The following HS6ST3 variants were observed in gnomAD, a reference collection of about 807,000 sequenced individuals.
HS6ST3 encodes the protein heparan sulfate 6-O-sulfotransferase 3, also known as heparan-sulfate 6-O-sulfotransferase 3.
Under a neutral mutation model 36.7 loss-of-function variants are expected in HS6ST3, and 12 were observed. That is an observed-to-expected ratio of 0.33 (90% confidence interval 0.21 to 0.53). The LOEUF (loss-of-function observed/expected upper bound fraction) is 0.53, where lower values mean the gene tolerates loss of function less well. Among genes scored for constraint, HS6ST3 ranks in the 20% least tolerant of loss-of-function variants. The pLI is 0.95. For synonymous variants in HS6ST3, 240 were observed against 257.5 expected (o/e 0.93, Z 0.65); for missense variants, 584 against 640.9 (o/e 0.91, Z 0.96).
intron 1 of HS6ST3, among the ~76,000 whole-genome samples, chr13:96,525,848 A>G (rs2056111644): frequency 1.3e-5 from 2 of 152,216 alleles, no homozygotes; most frequent in South Asian, 2.1e-4. Context: ...CTCTGGTGAC[A>G]AAGCAGTTAA....
intron 1 of HS6ST3, among the ~76,000 whole-genome samples, chr13:96,520,636 G>A (rs957476158): frequency 1.3e-5 from 2 of 151,820 alleles, no homozygotes; most frequent in African/African-American, 2.4e-5. Flanking sequence ...GTAGCAATTT[G>A]GCTCTCTGTT....
intron 1 of HS6ST3, among the ~76,000 whole-genome samples, chr13:96,294,272 C>G (rs1021776437): frequency 1.3e-5 from 2 of 152,044 alleles, no homozygotes; most frequent in African/African-American, 4.8e-5. Context: ...AATTTCAGAG[C>G]AATTTCTATA....
intron 1 of HS6ST3, among the ~76,000 whole-genome samples, chr13:96,650,942 T>G (rs776004499): frequency 6.6e-6 from 1 of 152,096 alleles, no homozygotes; most frequent in Non-Finnish European, 1.5e-5. Context: ...AAATAGCCTG[T>G]TCTTTCTGAC....
chr13:96,167,323 G>T (rs964749761), intron 1 of HS6ST3, among the ~76,000 whole-genome samples: 1 of 152,176 alleles, frequency 6.6e-6, no homozygotes, highest in Admixed American at 6.5e-5. Flanking sequence ...TTAAGAAAGA[G>T]ATATCTTTAA....
chr13:96,123,178 A>G (rs1402104812), intron 1 of HS6ST3, among the ~76,000 whole-genome samples: 1 of 152,226 alleles, frequency 6.6e-6, no homozygotes, highest in African/African-American at 2.4e-5. Flanking sequence ...GCTACTTGCT[A>G]TCTCTACTTA....
intron 1 of HS6ST3, among the ~76,000 whole-genome samples, chr13:96,570,069 ATATGC>A (rs1287102789): frequency 1.3e-5 from 2 of 152,214 alleles, no homozygotes; most frequent in African/African-American, 2.4e-5. Flanking sequence ...TTTTATAGGA[ATATGC>A]AATGTCAACA....
chr13:96,452,060 A>G (rs1237768445), intron 1 of HS6ST3, among the ~76,000 whole-genome samples: 2 of 152,222 alleles, frequency 1.3e-5, no homozygotes, highest in Non-Finnish European at 2.9e-5. Context: ...GAATCCAGCC[A>G]GGAATTTTTC....
intron 1 of HS6ST3, among the ~76,000 whole-genome samples, chr13:96,743,503 G>A (rs964987608): frequency 1.3e-4 from 20 of 152,036 alleles, no homozygotes; most frequent in Admixed American, 5.2e-4. Flanking sequence ...TCTCTTCTAG[G>A]AGCGCTGCAT....
chr13:96,839,041 T>C lies in HS6ST3; in HGVS notation c.*5843T>C, dbSNP rs914606372. ...CCTTTGGCACACTCAGTGGAACCTGTGTGAGCTACATGTTCTGCTGCATTA... is the reference window on the plus strand; with the variant it reads ...CCTTTGGCACACTCAGTGGAACCTGCGTGAGCTACATGTTCTGCTGCATTA... On this transcript the variant is annotated 3_prime_UTR_variant, in exon 2 of 2. Coordinates refer to ENST00000376705, the MANE Select transcript of HS6ST3 (RefSeq NM_153456.4). 5.3e-5 allele frequency: 8 copies of C among 152,206 alleles called. No homozygotes were observed. The highest frequency in any genetic ancestry group is 2.9e-5 in the Non-Finnish European group (2 of 68,034). 9.4% of individuals were successfully genotyped at this position (152,206 alleles called of 1,614,324 possible).
At chr13:96,448,813 A>G (rs1196859179) in intron 1 of HS6ST3, among the ~76,000 whole-genome samples, 1 of 152,138 alleles carries the variant, frequency 6.6e-6, no homozygotes, top group East Asian at 1.9e-4. Context: ...GCCTGTCTGC[A>G]TTAGACCACG....
At chr13:96,649,239 A>T (rs1358553960) in intron 1 of HS6ST3, among the ~76,000 whole-genome samples, 1 of 152,044 alleles carries the variant, frequency 6.6e-6, no homozygotes, top group Non-Finnish European at 1.5e-5. Flanking sequence ...AGGTCTCAGG[A>T]AACCTACAAT....
At chr13:96,441,959 C>T (rs1359567909) in intron 1 of HS6ST3, among the ~76,000 whole-genome samples, 1 of 150,414 alleles carries the variant, frequency 6.6e-6, no homozygotes, top group Non-Finnish European at 1.5e-5. Flanking sequence ...GAAAATTTTC[C>T]AGAGTTAAAA....
chr13:96,743,323 T>G (rs1469135037), intron 1 of HS6ST3, among the ~76,000 whole-genome samples: 1 of 152,052 alleles, frequency 6.6e-6, no homozygotes, highest in South Asian at 2.1e-4. Flanking sequence ...GGGTCCAAAT[T>G]TGTGCTAAAA....
At chr13:96,640,058 T>C (rs2056564920) in intron 1 of HS6ST3, among the ~76,000 whole-genome samples, 1 of 151,908 alleles carries the variant, frequency 6.6e-6, no homozygotes, top group Non-Finnish European at 1.5e-5. Context: ...GAATGATTTA[T>C]TTTGGTGGGT....
intron 1 of HS6ST3, among the ~76,000 whole-genome samples, chr13:96,690,878 T>G (rs61395720): frequency 6.6e-6 from 1 of 152,108 alleles, no homozygotes; most frequent in African/African-American, 2.4e-5. Flanking sequence ...TTTTAAATTT[T>G]TCCATCTCTA....
At chr13:96,474,164 C>A (rs1456532659) in intron 1 of HS6ST3, among the ~76,000 whole-genome samples, 2 of 152,152 alleles carry the variant, frequency 1.3e-5, no homozygotes, top group Non-Finnish European at 2.9e-5. Context: ...CCCCCTCCTT[C>A]AATTTTTTTC....
chr13:96,125,724 T>C (rs2053947283), intron 1 of HS6ST3, among the ~76,000 whole-genome samples: 2 of 152,002 alleles, frequency 1.3e-5, no homozygotes, highest in Admixed American at 6.6e-5. Flanking sequence ...TTATTAAAAG[T>C]TATGCTAAAT....
chr13:96,795,698 G>A (rs1351106332), intron 1 of HS6ST3, among the ~76,000 whole-genome samples: 8 of 152,052 alleles, frequency 5.3e-5, no homozygotes, highest in African/African-American at 1.7e-4. Context: ...CCAGGCTGAC[G>A]CCCAGAGGGC....
At position 96,153,460 on chromosome 13, in the gene HS6ST3, C is replaced by G. The variant is rs202036417; in HGVS notation, c.707+61891C>G. 9.9e-5 allele frequency among the ~76,000 whole-genome samples: 15 copies of G among 152,278 alleles called. No homozygotes were observed. The East Asian group carries it at 2.7e-3, about 27-fold the overall frequency. On this transcript the variant is annotated intron_variant, in intron 1 of 1. Transcript: ENST00000376705. ...TTTCCTCTCAGGGTGTCTCTTCCCC[C>G]TCTGAGCCAGGGTTCTTTTATTTAT...
Sources: gnomAD v4.1 joint callset for allele counts (sites outside exome capture counted in the v4.1 genomes callset) on GRCh38, gnomAD v4.1.1 for gene constraint, MANE v1.5 for transcripts, NCBI Gene and HGNC (gene_info 2026-07-23, HGNC 2026-07-21) for gene names.